Variants in CFAP99 observed in about 807,000 individuals in gnomAD.
The protein encoded by CFAP99 is cilia and flagella associated protein 99.
A neutral mutation model predicts 82.7 loss-of-function variants in CFAP99; 84 were observed. That is an observed-to-expected ratio of 1.02 (90% confidence interval 0.85 to 1.22). The LOEUF (loss-of-function observed/expected upper bound fraction) is 1.22. Ranked by LOEUF, CFAP99 falls within the 50% of genes most tolerant of loss-of-function variation. The pLI is 0.00. For missense variants in CFAP99, 1,059 were observed against 983.5 expected, an observed-to-expected ratio of 1.08 and a Z score of -1.03; for synonymous variants, 456 against 429.5, an observed-to-expected ratio of 1.06 and a Z score of -0.76.
chr4:2,436,799 C>T, intron 2 of CFAP99, 75 bp from the exon 3 acceptor site: 3 of 1,256,508 alleles, frequency 2.4e-6, no homozygotes, highest in Non-Finnish European at 3.3e-6. Context: ...CTGCCTTTGC[C>T]CAAGTGTCCC....
chr4:2,459,725 G>C (rs61790175), intron 13 of CFAP99, among the ~76,000 whole-genome samples: 14 of 152,196 alleles, frequency 9.2e-5, no homozygotes, highest in Non-Finnish European at 1.6e-4. Context: ...GCCCAGCCCC[G>C]AGGCCATGGG....
chr4:2,456,575 A>C (rs566617275), intron 11 of CFAP99, among the ~76,000 whole-genome samples: 28 of 152,268 alleles, frequency 1.8e-4, no homozygotes, highest in African/African-American at 6.3e-4. Context: ...GCTGGAGTGC[A>C]ATGGTGCGAT....
chr4:2,436,403 G>GTAGCCATT (rs2108718695), intron 2 of CFAP99, among the ~76,000 whole-genome samples: 1 of 152,286 alleles, frequency 6.6e-6, no homozygotes, highest in East Asian at 1.9e-4. Flanking sequence ...ATGTACCACT[G>GTAGCCATT]TAGCCATTTT....
At chr4:2,449,513 C>A (rs1734250152) in intron 6 of CFAP99, among the ~76,000 whole-genome samples, 157 bp from the exon 7 acceptor site, 1 of 151,814 alleles carries the variant, frequency 6.6e-6, no homozygotes, top group Non-Finnish European at 1.5e-5. Context: ...CCCACCAGCA[C>A]CCGGTGGTGT....
At chr4:2,458,085 C>T (rs944184301) in intron 11 of CFAP99, among the ~76,000 whole-genome samples, 2 of 152,218 alleles carry the variant, frequency 1.3e-5, no homozygotes, top group East Asian at 3.9e-4. Flanking sequence ...TCTGCACTCC[C>T]GGCCTGAGGC....
At chr4:2,430,021 C>G (rs1733767799) in intron 2 of CFAP99, among the ~76,000 whole-genome samples, 1 of 152,238 alleles carries the variant, frequency 6.6e-6, no homozygotes. Flanking sequence ...TTTGCTAGGC[C>G]AAGGCTCAAG....
chr4:2,439,499 T>C (rs1454204133), intron 4 of CFAP99, among the ~76,000 whole-genome samples: 1 of 152,158 alleles, frequency 6.6e-6, no homozygotes. Flanking sequence ...CCACCAGGAT[T>C]GCAGCCCCAT....
At chr4:2,440,670 G>A (rs1734016120) in intron 4 of CFAP99, among the ~76,000 whole-genome samples, 1 of 151,816 alleles carries the variant, frequency 6.6e-6, no homozygotes, top group Non-Finnish European at 1.5e-5. Context: ...TCCGCTCACT[G>A]CAAGCTCTGC....
chr4:2,461,105 T>C (rs951166552), intron 14 of CFAP99, among the ~76,000 whole-genome samples: 2 of 152,222 alleles, frequency 1.3e-5, no homozygotes, highest in African/African-American at 4.8e-5. Context: ...GGGTTGCAGA[T>C]AGCTCGTTTG....
intron 13 of CFAP99, 58 bp downstream of exon 13, chr4:2,459,316 A>G: frequency 6.8e-7 from 1 of 1,461,514 alleles, no homozygotes; most frequent in South Asian, 1.3e-5. Flanking sequence ...TGGCACTGCC[A>G]TGAGAGGCAG....
chr4:2,438,018 G>A lies in CFAP99; in HGVS notation c.257-52G>A, dbSNP rs28439780. 4.5e-5 allele frequency: 50 copies of A among 1,104,200 alleles called. No individual in the cohort carries two copies. In the Admixed American group the frequency reaches 9.9e-4, roughly 22 times the overall value. The allele number at this position is 1,104,200 out of a possible 1,614,324, so 68.4% of individuals were successfully genotyped here. ...GCCTTCGGCTCCGGTCCCGCCGTGT[G>A]CCTGGTGCCCCGTGACGTCCCTTAG... On this transcript the variant is annotated intron_variant, in intron 3 of 14. Coordinates refer to ENST00000635017, the Ensembl canonical transcript of CFAP99.
intron 11 of CFAP99, among the ~76,000 whole-genome samples, chr4:2,453,493 G>T (rs1162739970): frequency 6.6e-6 from 1 of 152,180 alleles, no homozygotes; most frequent in Non-Finnish European, 1.5e-5. Context: ...CTCCACCAAA[G>T]TGTGAGAGGG....
chr4:2,461,110 C>G (rs115741599), intron 14 of CFAP99, among the ~76,000 whole-genome samples: 76 of 152,250 alleles, frequency 5.0e-4, no homozygotes, highest in Middle Eastern at 3.4e-3. Flanking sequence ...GCAGATAGCT[C>G]GTTTGCATGC....
At chr4:2,439,126 T>C (rs760030097) in intron 4 of CFAP99, among the ~76,000 whole-genome samples, 2 of 152,162 alleles carry the variant, frequency 1.3e-5, no homozygotes, top group Non-Finnish European at 2.9e-5. Context: ...GACTGCCAGG[T>C]TTTCCCGGAC....
chr4:2,457,769 G>A lies in CFAP99; in HGVS notation c.1162-954G>A, dbSNP rs1462435247. 5.3e-5 allele frequency among the ~76,000 whole-genome samples: 8 copies of A among 152,196 alleles called. No individual in the cohort carries two copies. In the South Asian group the frequency reaches 1.0e-3, roughly 20 times the overall value. On this transcript the variant is annotated intron_variant, in intron 11 of 14. Transcript: ENST00000635017. ...CTTCCCCTGCTCATTCCTCTGTGCCGACTCCCTATTCCGTGCCGAGGCTGG... is the reference window on the plus strand; with the variant it reads ...CTTCCCCTGCTCATTCCTCTGTGCCAACTCCCTATTCCGTGCCGAGGCTGG...
intron 14 of CFAP99, among the ~76,000 whole-genome samples, chr4:2,461,951 ATAGT>A (rs967334556): frequency 1.3e-5 from 2 of 151,818 alleles, no homozygotes; most frequent in African/African-American, 4.9e-5. Flanking sequence ...AGTTATGCAT[ATAGT>A]TAGTACACCT....
rs905454180 is a variant in CFAP99 at position 2,459,080 on chromosome 4, A to T, written c.1304-27A>T. 5 of 1,484,760 alleles carry T rather than the reference A, an allele frequency of 3.4e-6. No individual in the cohort carries two copies. The African/African-American group carries it at 5.6e-5, about 17-fold the overall frequency. The allele number at this position is 1,484,760 out of a possible 1,614,324, so 92.0% of individuals were successfully genotyped here. ...GCCCCTGCCCTGCCACCCACCAGCC[A>T]CCTCAGCTCCTGGCTTGGCCCCCAA... On this transcript the variant is annotated intron_variant, in intron 12 of 14. Coordinates refer to ENST00000635017, the Ensembl canonical transcript of CFAP99.
chr4:2,462,905 G>A lies in CFAP99; in HGVS notation c.2124G>A (p.Ala708=), dbSNP rs767263877. The stretch of plus-strand genomic sequence containing the variant: ...AGGGAGGCTCAGGACCCGGGCCCGC[G>A]CGCCGCCTGGAGGCCGCCTGAGCCG... Residue 708 remains alanine (A), a synonymous_variant, in exon 15 of 15, where the codon GCG becomes GCA. Transcript: ENST00000635017. The surrounding 1 kb of genome is among the most constrained non-coding windows in gnomAD (Gnocchi z 4.1). The A allele has an allele frequency of 1.1e-5, 15 of 1,313,572 alleles. No individual in the cohort carries two copies. The South Asian group carries it at 2.4e-4, about 21-fold the overall frequency. The allele number at this position is 1,313,572 out of a possible 1,614,324, so 81.4% of individuals were successfully genotyped here. A position where few individuals can be genotyped will look rare whatever the true frequency, so the allele number is the denominator to read the frequency against.
intron 3 of CFAP99, among the ~76,000 whole-genome samples, chr4:2,437,656 C>T (rs1733947065): frequency 6.6e-6 from 1 of 152,226 alleles, no homozygotes; most frequent in Non-Finnish European, 1.5e-5. Flanking sequence ...CAGCTGGAGC[C>T]TTATGATGCG....
Sources: gnomAD v4.1 joint callset for allele counts (sites outside exome capture counted in the v4.1 genomes callset) on GRCh38, gnomAD v4.1.1 for gene constraint, Gnocchi (gnomAD v3.1) non-coding constraint, MANE v1.5 for transcripts, NCBI Gene and HGNC (gene_info 2026-07-23, HGNC 2026-07-21) for gene names.